KL: variants seen among roughly 807,000 people sequenced by gnomAD.
The protein encoded by KL is alpha-klotho.
In KL, 62 loss-of-function variants were observed where a neutral mutation model predicts 84.2. The observed-to-expected ratio is 0.74, with a 90% CI of 0.60 to 0.91. The LOEUF is 0.91. KL is among the 40% of genes least tolerant of loss of function. The probability of loss-of-function intolerance (pLI) is 0.00; values close to 1 mark genes in which losing one functional copy is unlikely to be tolerated. For missense variants in KL, 1,261 were observed against 1,305.7 expected (o/e 0.97, Z 0.53); for synonymous variants, 528 against 528.0 (o/e 1.00, Z 0.00).
At chr13:33,045,223 C>A (rs569247704) in intron 1 of KL, among the ~76,000 whole-genome samples, 3 of 152,040 alleles carry the variant, frequency 2.0e-5, no homozygotes, top group East Asian at 3.9e-4. Context: ...TTGCTGAAAT[C>A]GTTTATTTTT....
rs532213166 is a variant in KL at position 33,064,773 on chromosome 13, G to C, written c.*587G>C. The C allele has an allele frequency of 8.9e-6, 2 of 224,630 alleles. No homozygotes were observed. The highest frequency in any genetic ancestry group is 1.8e-5 in the Non-Finnish European group (2 of 112,828). 13.9% of individuals were successfully genotyped at this position (224,630 alleles called of 1,614,324 possible). ...AATACTAGTATTAATTTATGTATCT[G>C]GTTAATGACATACTTGGAGAGCAAA... On this transcript the variant is annotated 3_prime_UTR_variant, in exon 5 of 5. Transcript: ENST00000380099.
At chr13:33,032,263 T>G (rs944542569) in intron 1 of KL, among the ~76,000 whole-genome samples, 1 of 152,224 alleles carries the variant, frequency 6.6e-6, no homozygotes, top group Non-Finnish European at 1.5e-5. Flanking sequence ...CTGTTCCCAT[T>G]ACTATTTCTG....
intron 4 of KL, among the ~76,000 whole-genome samples, chr13:33,062,406 C>G (rs7323287): frequency 6.7e-6 from 1 of 149,626 alleles, no homozygotes; most frequent in Non-Finnish European, 1.5e-5. Flanking sequence ...AGCATGGTGG[C>G]TCATGCCTGT....
At chr13:33,054,971 G>T in intron 2 of KL, 76 bp from the exon 3 acceptor site, 1 of 1,579,440 alleles carries the variant, frequency 6.3e-7, no homozygotes, top group Middle Eastern at 1.8e-4. Context: ...AGTAGGAAAC[G>T]CTCAGCTGCT....
chr13:33,055,969 G>A (rs1871941531), intron 3 of KL, among the ~76,000 whole-genome samples: 1 of 152,184 alleles, frequency 6.6e-6, no homozygotes, highest in Admixed American at 6.5e-5. Flanking sequence ...GGATACTCTA[G>A]TAAGCACTTA....
intron 1 of KL, among the ~76,000 whole-genome samples, chr13:33,024,937 C>A (rs111281146): frequency 2.1e-3 from 312 of 152,178 alleles, no homozygotes; most frequent in African/African-American, 7.2e-3. Context: ...TTGGGCTGCA[C>A]GAGAGATTCA....
rs753823883 is a variant in KL at position 33,064,121 on chromosome 13, G to C, written c.2974G>C (p.Ala992Pro). 1.9e-6 allele frequency: 3 copies of C among 1,613,462 alleles called. No individual in the cohort carries two copies. Among genetic ancestry groups the C allele is most frequent in the Admixed American group, 3.3e-5 (2 of 59,918 alleles). Residue 992 changes from alanine (A) to proline (P), a missense_variant, in exon 5 of 5, where the codon GCT (alanine) becomes CCT (proline). Ala to Pro is a conservative substitution (Grantham distance 27). Transcript: ENST00000380099. ...GGCTTTCATAGCTTTTCTATTTTTT[G>C]CTTCTATTATTTCTCTCTCCCTTAT... ...LLAFIAFLFF[A>P]SIISLSLIFY... is the part of the protein sequence containing the mutation.
intron 1 of KL, among the ~76,000 whole-genome samples, chr13:33,034,087 A>G (rs139548508): frequency 8.3e-4 from 126 of 152,314 alleles, no homozygotes; most frequent in African/African-American, 2.9e-3. Flanking sequence ...AGTGTTAATT[A>G]ACACCCCTTG....
intron 2 of KL, 146 bp downstream of exon 2, chr13:33,054,423 A>G (rs1198088599): frequency 3.7e-6 from 3 of 803,856 alleles, no homozygotes; most frequent in Non-Finnish European, 5.9e-6. Flanking sequence ...CATTCATTTA[A>G]CACCTTTCTC....
rs1870397422 is a variant in KL, at chr13:33,017,217, C to A, written c.777C>A (p.Gly259=). ...GGCGCCTGGCCCCCGGCATCCGGGG[C>A]AGCCCGCGGCTCGGGTACCTGGTGG... The part of the protein sequence containing the change: ...ATGRLAPGIR[G]SPRLGYLVAH... Residue 259 remains glycine (G), a synonymous_variant, in exon 1 of 5, where the codon GGC becomes GGA. Transcript: ENST00000380099. 2 of 1,592,838 alleles carry A rather than the reference C, an allele frequency of 1.3e-6. No homozygotes were observed. The highest frequency in any genetic ancestry group is 2.2e-5 in the East Asian group (1 of 44,702).
intron 1 of KL, among the ~76,000 whole-genome samples, chr13:33,030,247 A>G (rs564902570): frequency 6.6e-6 from 1 of 152,302 alleles, no homozygotes; most frequent in African/African-American, 2.4e-5. Flanking sequence ...TTAAATTTCA[A>G]CATGAGTTTT....
chr13:33,042,912 C>T (rs1054498514), intron 1 of KL, among the ~76,000 whole-genome samples: 1 of 152,132 alleles, frequency 6.6e-6, no homozygotes, highest in South Asian at 2.1e-4. Flanking sequence ...GAAGTCCTGA[C>T]CTCAGGTGAT....
intron 1 of KL, among the ~76,000 whole-genome samples, chr13:33,030,457 T>G (rs375685749): frequency 6.6e-4 from 101 of 152,298 alleles, no homozygotes; most frequent in African/African-American, 2.1e-3. Flanking sequence ...CCTTTTAAAG[T>G]TGAGAAAATT....
At chr13:33,018,689 G>C (rs1241491386) in intron 1 of KL, among the ~76,000 whole-genome samples, 2 of 152,114 alleles carry the variant, frequency 1.3e-5, no homozygotes, top group Non-Finnish European at 2.9e-5. Context: ...TGGGAAGAAT[G>C]GTCTCACTTT....
intron 1 of KL, among the ~76,000 whole-genome samples, chr13:33,034,536 C>A (rs1245980946): frequency 6.6e-6 from 1 of 150,804 alleles, no homozygotes; most frequent in Non-Finnish European, 1.5e-5. Flanking sequence ...CTTGTGAGTG[C>A]CACCAAAAAA....
At position 33,017,261 on chromosome 13, in the gene KL, T is replaced by C; in HGVS notation, c.819+2T>C. On this transcript the variant is annotated splice_donor_variant, in intron 1 of 4. Transcript: ENST00000380099. LOFTEE classifies it high-confidence loss of function. ...CTGGTGGCGCACAACCTCCTCCTGG[T>C]GAGTGCGAGGGGCCAGGCGGAGGGC... 2.6e-6 allele frequency: 4 copies of C among 1,564,296 alleles called. No homozygotes were observed. Among genetic ancestry groups the C allele is most frequent in the Non-Finnish European group, 3.4e-6 (4 of 1,161,598 alleles).
Position 33,017,126 on chromosome 13 carries a change from GTC to G in KL, c.687_688del (p.Gln230GlyfsTer104), listed in dbSNP as rs753416601. 1.2e-6 allele frequency: 2 copies of G among 1,603,834 alleles called. No individual in the cohort carries two copies. The highest frequency in any genetic ancestry group is 8.5e-7 in the Non-Finnish European group (1 of 1,179,796). On this transcript the variant is annotated frameshift_variant, in exon 1 of 5. Transcript: ENST00000380099. LOFTEE classifies it high-confidence loss of function. ...GAGCTCTGCTTCCGCCACTTCGGCG[GTC>G]AGGTCAAGTACTGGATCACCATCGA...
intron 1 of KL, among the ~76,000 whole-genome samples, chr13:33,043,315 G>A (rs900504238): frequency 2.0e-5 from 3 of 151,392 alleles, no homozygotes; most frequent in Non-Finnish European, 2.9e-5. Context: ...TGCCTCCCAG[G>A]TTCAAGGGAT....
chr13:33,020,755 A>T (rs1870547265), intron 1 of KL, among the ~76,000 whole-genome samples: 1 of 152,258 alleles, frequency 6.6e-6, no homozygotes, highest in East Asian at 1.9e-4. Flanking sequence ...GGTGCAAGAC[A>T]CCATCCAACC....
Sources: allele counts gnomAD v4.1 joint callset (sites outside exome capture counted in the v4.1 genomes callset), GRCh38; gene constraint gnomAD v4.1.1; transcripts MANE v1.5; gene names NCBI Gene and HGNC (gene_info 2026-07-23, HGNC 2026-07-21).